The following WDR48 variants were observed in gnomAD, a reference collection of about 807,000 sequenced individuals.
WDR48 encodes the protein WD repeat domain 48, also known as WD repeat-containing protein 48.
Under a neutral mutation model 94.0 loss-of-function variants are expected in WDR48, and 22 were observed. The observed-to-expected ratio is 0.23, with a 90% CI of 0.17 to 0.33. WDR48 has a LOEUF of 0.33. Among genes scored for constraint, WDR48 ranks in the 10% least tolerant of loss-of-function variants. The pLI is 1.00. For missense variants in WDR48, 541 were observed against 813.8 expected (o/e 0.66, Z 4.08); for synonymous variants, 278 against 280.5 (o/e 0.99, Z 0.09).
chr3:39,072,755 C>A (rs1231039366), intron 7 of WDR48, among the ~76,000 whole-genome samples: 2 of 152,176 alleles, frequency 1.3e-5, no homozygotes, highest in Non-Finnish European at 2.9e-5. Flanking sequence ...TTTGATGACT[C>A]CTCCAGCTCC....
intron 7 of WDR48, among the ~76,000 whole-genome samples, chr3:39,071,970 A>G (rs1281956365): frequency 6.6e-6 from 1 of 152,244 alleles, no homozygotes; most frequent in African/African-American, 2.4e-5. Flanking sequence ...GAATTCTTGT[A>G]ATATGGAAGA....
At chr3:39,085,744 A>T in intron 14 of WDR48, 134 bp downstream of exon 14, 1 of 706,478 alleles carries the variant, frequency 1.4e-6, no homozygotes, top group Non-Finnish European at 2.3e-6. Flanking sequence ...TCTCTTCCAT[A>T]TCTCAAAGTA....
chr3:39,084,102 T>G, intron 11 of WDR48, 53 bp from the exon 12 acceptor site: 1 of 1,399,468 alleles, frequency 7.1e-7, no homozygotes. Flanking sequence ...AAAGTCAGAA[T>G]CAAGTGAATT....
Position 39,091,679 on chromosome 3 carries a change from T to G in WDR48, c.1723T>G (p.Ser575Ala). 1 of 1,606,628 alleles carries G rather than the reference T, an allele frequency of 6.2e-7. No individual in the cohort carries two copies. The highest frequency in any genetic ancestry group is 8.5e-7 in the Non-Finnish European group (1 of 1,177,870). Residue 575 changes from serine (S) to alanine (A), a missense_variant, in exon 17 of 19, where the codon TCA (serine) becomes GCA (alanine). Ser to Ala is a moderately conservative substitution (Grantham distance 99). Coordinates refer to ENST00000302313, the MANE Select transcript of WDR48 (RefSeq NM_020839.4). ...IPFYLQPHAS[S>A]GAKTLKKDRL... The stretch of plus-strand genomic sequence containing the variant: ...TTTCTACCTCCAACCTCATGCATCT[T>G]CAGGAGCAAAAACCTTAAAAAAGTA...
intron 11 of WDR48, among the ~76,000 whole-genome samples, chr3:39,082,438 C>T (rs1282894411): frequency 6.6e-6 from 1 of 152,072 alleles, no homozygotes; most frequent in African/African-American, 2.4e-5. Context: ...TGCACCACCA[C>T]ATCGGGCTAA....
intron 15 of WDR48, 112 bp from the exon 16 acceptor site, chr3:39,089,119 T>A (rs1344150079): frequency 1.1e-6 from 1 of 876,156 alleles, no homozygotes; most frequent in African/African-American, 1.7e-5. Flanking sequence ...AGCTGTCAAG[T>A]GGGGGTTATC....
intron 17 of WDR48, among the ~76,000 whole-genome samples, chr3:39,092,907 A>ACAC (rs1553665093): frequency 6.6e-6 from 1 of 151,330 alleles, no homozygotes. Flanking sequence ...ACACACACAC[A>ACAC]ATTATTTTAA....
At chr3:39,085,926 C>CCT (rs2034787640) in intron 14 of WDR48, among the ~76,000 whole-genome samples, 1 of 152,216 alleles carries the variant, frequency 6.6e-6, no homozygotes, top group African/African-American at 2.4e-5. Context: ...CTTCAAGGTA[C>CCT]CTCTGATCTT....
At chr3:39,060,130 T>G (rs923050842) in intron 1 of WDR48, among the ~76,000 whole-genome samples, 3 of 152,166 alleles carry the variant, frequency 2.0e-5, no homozygotes, top group Non-Finnish European at 4.4e-5. Flanking sequence ...AAGTGTACAA[T>G]TCAGTGATTT....
chr3:39,052,886 A>G (rs953747823), intron 1 of WDR48, among the ~76,000 whole-genome samples: 10 of 152,030 alleles, frequency 6.6e-5, no homozygotes, highest in Non-Finnish European at 1.5e-4. Flanking sequence ...TGGGGGCGCT[A>G]GGGGAGGGAT....
chr3:39,070,683 G>A (rs889317446), intron 7 of WDR48, among the ~76,000 whole-genome samples: 1 of 139,926 alleles, frequency 7.1e-6, no homozygotes, highest in East Asian at 2.1e-4. Flanking sequence ...GAGATGTGAA[G>A]GATCTTTTTT....
chr3:39,061,810 T>C (rs2033282961), intron 1 of WDR48, among the ~76,000 whole-genome samples: 1 of 152,112 alleles, frequency 6.6e-6, no homozygotes, highest in African/African-American at 2.4e-5. Flanking sequence ...CATGAGATGG[T>C]ATCTCATTGT....
Position 39,074,858 on chromosome 3 carries a change from T to G in WDR48, c.805T>G (p.Ser269Ala). The change falls in exon 8 of 19, where the codon TCT becomes GCT. Residue 269 changes from serine (S) to alanine (A), a missense_variant. Ser to Ala is a moderately conservative substitution (Grantham distance 99). This residue lies in a region of WDR48 where 104 missense variants were observed against 189.7 expected (regional missense o/e 0.55). Coordinates refer to ENST00000302313, the MANE Select transcript of WDR48 (RefSeq NM_020839.4). Reference protein sequence around the residue: ...QVNDAFTHVYSGGRDRKIYCT... With the variant: ...QVNDAFTHVYAGGRDRKIYCT... ...CAATGATGCCTTCACACATGTGTAT[T>G]CTGGTGGAAGGGACAGGAAGATTTA... 6.2e-7 allele frequency: 1 copy of G among 1,614,226 alleles called. No homozygotes were observed. Among genetic ancestry groups the G allele is most frequent in the Non-Finnish European group, 8.5e-7 (1 of 1,180,040 alleles).
intron 1 of WDR48, chr3:39,052,519 C>G (rs1405864697): frequency 5.8e-6 from 1 of 171,340 alleles, no homozygotes. Flanking sequence ...GGCGGCGGAG[C>G]GCCAACGGCC....
At chr3:39,077,327 CA>C in intron 9 of WDR48, 114 bp downstream of exon 9, 1 of 1,110,918 alleles carries the variant, frequency 9.0e-7, no homozygotes, top group Non-Finnish European at 1.3e-6. Flanking sequence ...TGCTTTTGGG[CA>C]GGGGCAAAAA....
Position 39,084,170 on chromosome 3 carries a change from G to T in WDR48, c.1189G>T (p.Asp397Tyr), listed in dbSNP as rs199931023. The T allele has an allele frequency of 6.2e-7, 1 of 1,610,964 alleles. No individual in the cohort carries two copies. ...WDVLKACKVEDLGKVDFEDEI... is the reference protein window; with the variant it reads ...WDVLKACKVEYLGKVDFEDEI... Reference sequence around the variant, plus strand: ...TGATGTATAGGCATGTAAAGTTGAAGATCTGGGCAAAGTGGATTTTGAAGA... The same window carrying T: ...TGATGTATAGGCATGTAAAGTTGAATATCTGGGCAAAGTGGATTTTGAAGA... The change falls in exon 12 of 19, where the codon GAT becomes TAT. Residue 397 changes from aspartate to tyrosine, a missense_variant. Around this residue, in one of 5 missense-constraint regions of WDR48, gnomAD observed 238 missense variants for 285.3 expected, o/e 0.83. Coordinates refer to ENST00000302313, the MANE Select transcript of WDR48 (RefSeq NM_020839.4).
At chr3:39,053,871 G>A (rs2032667803) in intron 1 of WDR48, among the ~76,000 whole-genome samples, 1 of 152,232 alleles carries the variant, frequency 6.6e-6, no homozygotes, top group South Asian at 2.1e-4. Context: ...GAATGAGGCA[G>A]GTGATAGATA....
At chr3:39,063,222 A>C (rs2033383618) in intron 2 of WDR48, 32 bp downstream of exon 2, 1 of 1,606,958 alleles carries the variant, frequency 6.2e-7, no homozygotes, top group Non-Finnish European at 8.5e-7. Flanking sequence ...GTACCCAGCA[A>C]ATTCTGGACA....
chr3:39,053,831 C>CAA (rs538498686), intron 1 of WDR48, among the ~76,000 whole-genome samples: 169 of 152,220 alleles, frequency 1.1e-3, no homozygotes, highest in African/African-American at 4.0e-3. Context: ...AACAGTGTTC[C>CAA]AATAGGCTGA....
Sources: gnomAD v4.1 joint callset for allele counts (sites outside exome capture counted in the v4.1 genomes callset) on GRCh38, gnomAD v4.1.1 for gene constraint, gnomAD v4.1.1 regional missense constraint, MANE v1.5 for transcripts, NCBI Gene and HGNC (gene_info 2026-07-23, HGNC 2026-07-21) for gene names.